SYNE2: variants seen among roughly 807,000 people sequenced by gnomAD.
SYNE2 encodes spectrin repeat containing nuclear envelope protein 2.
A neutral mutation model predicts 856.3 loss-of-function variants in SYNE2; 431 were observed. The observed-to-expected ratio is 0.50, with a 90% CI of 0.47 to 0.55. The LOEUF (loss-of-function observed/expected upper bound fraction) is 0.55. Ranked by LOEUF, SYNE2 falls within the 20% of genes least tolerant of loss-of-function variation. The pLI, the probability that SYNE2 is intolerant of heterozygous loss-of-function variation, is 0.00. For synonymous variants in SYNE2, 2,923 were observed against 2,872.3 expected, an observed-to-expected ratio of 1.02 and a Z score of -0.56; for missense variants, 8,129 against 8,023.2, an observed-to-expected ratio of 1.01 and a Z score of -0.50.
chr14:64,125,211 G>T lies in SYNE2; in HGVS notation c.13554+1G>T, dbSNP rs200357885. On this transcript the variant is annotated splice_donor_variant, in intron 71 of 115. Coordinates refer to ENST00000555002, the MANE Select transcript of SYNE2 (RefSeq NM_182914.3). LOFTEE classifies it high-confidence loss of function. ...AGAAGCAAGTAACCTTCAGACACAG[G>T]TAGAAGCTGCACACAATGTGTTTTC... The T allele has an allele frequency of 3.7e-6, 6 of 1,614,052 alleles. No individual in the cohort carries two copies. The highest frequency in any genetic ancestry group is 3.3e-5 in the Admixed American group (2 of 60,018).
At chr14:64,061,378 T>G (rs1195372109) in intron 49 of SYNE2, among the ~76,000 whole-genome samples, 2 of 152,198 alleles carry the variant, frequency 1.3e-5, no homozygotes, top group African/African-American at 4.8e-5. Flanking sequence ...TGTAATAACT[T>G]CCCTTGGGTA....
intron 64 of SYNE2, among the ~76,000 whole-genome samples, chr14:64,106,334 T>C (rs1057156441): frequency 9.9e-5 from 15 of 152,280 alleles, no homozygotes; most frequent in Middle Eastern, 3.4e-3. Context: ...GTTTTCCTTA[T>C]TATTTATAGA....
At chr14:63,803,417 G>A (rs1014644909) in intron 1 of SYNE2, among the ~76,000 whole-genome samples, 4 of 152,222 alleles carry the variant, frequency 2.6e-5, no homozygotes, top group African/African-American at 9.6e-5. Context: ...CCCGCAGAAA[G>A]GCAGCTAAGG....
chr14:64,077,107 A>C lies in SYNE2; in HGVS notation c.11022+1007A>C, dbSNP rs1463744446. On this transcript the variant is annotated intron_variant, in intron 54 of 115. Transcript: ENST00000555002. Reference sequence around the variant, plus strand: ...ATCAGTCGTTCAAATTCAAGGTAGAAAATTTCCGCTATGACCCTCTATATT... The same window carrying C: ...ATCAGTCGTTCAAATTCAAGGTAGACAATTTCCGCTATGACCCTCTATATT... Among the ~76,000 whole-genome samples, 5 of 152,120 alleles carry C rather than the reference A, an allele frequency of 3.3e-5. No individual in the cohort carries two copies. In the East Asian group the frequency reaches 9.6e-4, roughly 29 times the overall value.
At chr14:64,098,299 A>G in intron 62 of SYNE2, 153 bp downstream of exon 62, 1 of 827,982 alleles carries the variant, frequency 1.2e-6, no homozygotes, top group Non-Finnish European at 2.0e-6. Flanking sequence ...GTTGTTTACT[A>G]GTGAATATAA....
At chr14:63,838,811 C>G (rs1889948287) in intron 1 of SYNE2, among the ~76,000 whole-genome samples, 1 of 151,530 alleles carries the variant, frequency 6.6e-6, no homozygotes, top group Non-Finnish European at 1.5e-5. Flanking sequence ...GTTTCCTAGC[C>G]TACGTGTACA....
At chr14:63,968,907 T>C (rs564107152) in intron 11 of SYNE2, among the ~76,000 whole-genome samples, 1 of 152,330 alleles carries the variant, frequency 6.6e-6, no homozygotes, top group Admixed American at 6.5e-5. Context: ...GTAGTCACCG[T>C]GTTGTGCTAT....
chr14:64,052,728 G>A lies in SYNE2; in HGVS notation c.8815G>A (p.Glu2939Lys). The stretch of plus-strand genomic sequence containing the variant: ...CATTCAGAATACATGTAATGAAGTG[G>A]AACACAAGATAAAGTTTTGCAGACA... ...RFIQNTCNEV[E>K]HKIKFCRQFH... The change falls in exon 48 of 116, where the codon GAA (glutamate) becomes AAA (lysine). Residue 2939 changes from glutamate (E) to lysine (K), a missense_variant. Physicochemically the swap from Glu to Lys is moderately conservative, Grantham distance 56. Transcript: ENST00000555002. The A allele has an allele frequency of 6.2e-7, 1 of 1,613,418 alleles. No homozygotes were observed. Among genetic ancestry groups the A allele is most frequent in the Non-Finnish European group, 8.5e-7 (1 of 1,179,708 alleles).
At chr14:63,868,721 CAT>C (rs1491470527) in intron 1 of SYNE2, among the ~76,000 whole-genome samples, 7 of 151,818 alleles carry the variant, frequency 4.6e-5, no homozygotes, top group African/African-American at 1.2e-4. Context: ...CCTATGTGTG[CAT>C]GTGTGCGTGT....
intron 2 of SYNE2, among the ~76,000 whole-genome samples, chr14:63,929,941 G>A (rs1014722693): frequency 7.2e-5 from 11 of 152,108 alleles, no homozygotes; most frequent in Non-Finnish European, 1.6e-4. Flanking sequence ...GTAGGCAGGA[G>A]CCAGATTACA....
At chr14:63,792,604 C>T (rs1479721871) in intron 1 of SYNE2, among the ~76,000 whole-genome samples, 2 of 151,972 alleles carry the variant, frequency 1.3e-5, no homozygotes, top group African/African-American at 4.8e-5. Flanking sequence ...ATAAAATAGA[C>T]TTTAAGATTT....
chr14:63,856,618 A>G (rs1891806348), intron 1 of SYNE2, among the ~76,000 whole-genome samples: 1 of 152,172 alleles, frequency 6.6e-6, no homozygotes, highest in Non-Finnish European at 1.5e-5. Context: ...ATTAAATACA[A>G]TAGCCTATTC....
intron 8 of SYNE2, 119 bp from the exon 9 acceptor site, chr14:63,961,406 A>G (rs2096312523): frequency 2.5e-6 from 2 of 794,848 alleles, no homozygotes; most frequent in Non-Finnish European, 4.3e-6. Context: ...CTGGGTGACT[A>G]CTTTGGTGCA....
At chr14:64,158,072 T>C (rs2098299924) in intron 85 of SYNE2, among the ~76,000 whole-genome samples, 2 of 152,206 alleles carry the variant, frequency 1.3e-5, no homozygotes. Flanking sequence ...ATTGCTTGCC[T>C]CCTGCTTTGC....
chr14:64,221,393 T>G, intron 111 of SYNE2, 183 bp from the exon 112 acceptor site: 2 of 1,100,192 alleles, frequency 1.8e-6, no homozygotes, highest in African/African-American at 3.1e-5. Flanking sequence ...CTGAGTGTCT[T>G]CCTTCTTTCC....
rs375802845 is a variant in SYNE2, at chr14:64,167,582, C to T, written c.16848C>T (p.Leu5616=). 1.4e-4 allele frequency: 220 copies of T among 1,614,064 alleles called. No individual in the cohort carries two copies. Among genetic ancestry groups the T allele is most frequent in the Non-Finnish European group, 1.7e-4 (205 of 1,180,028 alleles). ...TTTTGGAGAAGATAGAAGAAGCACT[C>T]AAAGTGGATGTGGCTAACAGCCTTC... The part of the protein sequence containing the change: ...IQLLEKIEEA[L]KVDVANSLPE... The change falls in exon 92 of 116, where the codon CTC becomes CTT. Residue 5616 remains leucine (L), a synonymous_variant. Transcript: ENST00000555002.
At chr14:64,080,064 T>C (rs1255956) in intron 55 of SYNE2, among the ~76,000 whole-genome samples, 111,743 of 151,548 alleles carry the variant, frequency 0.74, 43,476 homozygotes, top group Non-Finnish European at 0.87. Context: ...TGTGTGTGTG[T>C]GCGCGTGCGT....
chr14:64,013,330 T>C (rs1457223917), intron 32 of SYNE2, among the ~76,000 whole-genome samples: 1 of 151,924 alleles, frequency 6.6e-6, no homozygotes, highest in East Asian at 1.9e-4. Context: ...TAAATTTTTT[T>C]TTTTTTTTTG....
intron 1 of SYNE2, among the ~76,000 whole-genome samples, chr14:63,820,413 A>C (rs1286766127): frequency 6.6e-6 from 1 of 152,264 alleles, no homozygotes; most frequent in Non-Finnish European, 1.5e-5. Context: ...TTAAGAATGG[A>C]TCAGAGACAT....
Sources: gnomAD v4.1 joint callset for allele counts (sites outside exome capture counted in the v4.1 genomes callset) on GRCh38, gnomAD v4.1.1 for gene constraint, MANE v1.5 for transcripts, NCBI Gene and HGNC (gene_info 2026-07-23, HGNC 2026-07-21) for gene names.